Variants in PDZRN3 observed in about 807,000 individuals in gnomAD.
PDZRN3 encodes PDZ domain containing ring finger 3, also known as E3 ubiquitin-protein ligase PDZRN3.
Under a neutral mutation model 85.7 loss-of-function variants are expected in PDZRN3, and 38 were observed. The ratio of observed to expected loss-of-function variants is 0.44; its 90% CI spans 0.34 to 0.58. The LOEUF (loss-of-function observed/expected upper bound fraction) is 0.58, where lower values mean the gene tolerates loss of function less well. PDZRN3 is among the 20% of genes least tolerant of loss of function. The pLI, the probability that PDZRN3 is intolerant of heterozygous loss-of-function variation, is 0.01. For missense variants in PDZRN3, 1,629 were observed against 1,506.4 expected (o/e 1.08, Z -1.35); for synonymous variants, 759 against 638.0 (o/e 1.19, Z -2.86).
intron 3 of PDZRN3, among the ~76,000 whole-genome samples, chr3:73,506,736 T>C (rs972010129): frequency 1.3e-5 from 2 of 152,210 alleles, no homozygotes; most frequent in Non-Finnish European, 2.9e-5. Context: ...CATAAGTTAA[T>C]GGAAGGATTT....
chr3:73,475,289 T>C (rs1703426712), intron 3 of PDZRN3, among the ~76,000 whole-genome samples: 1 of 152,190 alleles, frequency 6.6e-6, no homozygotes, highest in Non-Finnish European at 1.5e-5. Flanking sequence ...TCACAGATAT[T>C]TACGGCAAAT....
intron 3 of PDZRN3, among the ~76,000 whole-genome samples, chr3:73,490,135 A>C (rs1703743237): frequency 6.6e-6 from 1 of 152,188 alleles, no homozygotes; most frequent in Non-Finnish European, 1.5e-5. Flanking sequence ...AACTAATTTT[A>C]TCTTCACGCC....
Position 73,384,816 on chromosome 3 carries a change from A to AGCTCTCGTCATTACGGGT in PDZRN3, c.1732_1749dup (p.Thr578_Ser583dup). The AGCTCTCGTCATTACGGGT allele has an allele frequency of 6.2e-7, 1 of 1,613,996 alleles. No homozygotes were observed. The highest frequency in any genetic ancestry group is 8.5e-7 in the Non-Finnish European group (1 of 1,180,024). The stretch of plus-strand genomic sequence containing the variant: ...TCGTCGCCATTGTTCTCTTGCTCCG[A>AGCTCTCGTCATTACGGGT]GCTCTCGTCATTACGGGTGCTCTCG... On this transcript the variant is annotated inframe_insertion, in exon 10 of 10. Coordinates refer to ENST00000263666, the MANE Select transcript of PDZRN3 (RefSeq NM_015009.3).
chr3:73,607,358 A>G (rs1326677925), intron 2 of PDZRN3, among the ~76,000 whole-genome samples: 1 of 152,154 alleles, frequency 6.6e-6, no homozygotes, highest in African/African-American at 2.4e-5. Flanking sequence ...CTGATCTAGC[A>G]AATTCCTGTT....
chr3:73,581,396 G>A (rs570802976), intron 3 of PDZRN3, among the ~76,000 whole-genome samples: 16 of 152,178 alleles, frequency 1.1e-4, no homozygotes, highest in South Asian at 4.2e-4. Flanking sequence ...GGGTGTGAAC[G>A]CATGATTTAG....
intron 3 of PDZRN3, among the ~76,000 whole-genome samples, chr3:73,551,345 G>C (rs1490347732): frequency 6.6e-6 from 1 of 152,184 alleles, no homozygotes; most frequent in Non-Finnish European, 1.5e-5. Context: ...TCTGTCAAAT[G>C]AAAGTAATGG....
rs992812480 is a variant in PDZRN3, at chr3:73,623,851, C to T, written c.723+252G>A. ...ACTTGCTTGTGAATTCTTTTTCGTC[C>T]TTCCAGAATCCCTGAAGCTGTACAG... On this transcript the variant is annotated intron_variant, in intron 1 of 9. Transcript: ENST00000263666. 17 of 383,052 alleles carry T rather than the reference C, an allele frequency of 4.4e-5. No individual in the cohort carries two copies. In the South Asian group the frequency reaches 1.5e-3, roughly 34 times the overall value. 23.7% of individuals were successfully genotyped at this position (383,052 alleles called of 1,614,324 possible). A position where few individuals can be genotyped will look rare whatever the true frequency, so the allele number is the denominator to read the frequency against.
intron 3 of PDZRN3, among the ~76,000 whole-genome samples, chr3:73,485,901 C>A (rs34996977): frequency 0.014 from 2,207 of 152,294 alleles, 28 homozygotes; most frequent in Non-Finnish European, 0.024. Context: ...AAAAGGCAGT[C>A]CATATAGCAT....
chr3:73,451,142 T>C (rs529077634), intron 3 of PDZRN3, among the ~76,000 whole-genome samples: 2 of 152,286 alleles, frequency 1.3e-5, no homozygotes, highest in South Asian at 4.1e-4. Context: ...CTATGCTGTG[T>C]TCCTCGGAGC....
intron 3 of PDZRN3, among the ~76,000 whole-genome samples, chr3:73,580,650 T>C (rs188145796): frequency 6.6e-6 from 1 of 152,318 alleles, no homozygotes; most frequent in Non-Finnish European, 1.5e-5. Flanking sequence ...GTTTAGTGAC[T>C]CAAGTAACAA....
chr3:73,567,940 A>G (rs909720805), intron 3 of PDZRN3, among the ~76,000 whole-genome samples: 8 of 152,248 alleles, frequency 5.3e-5, no homozygotes, highest in African/African-American at 1.9e-4. Context: ...TTACCATTTG[A>G]AAACCCAAGA....
chr3:73,547,853 A>T (rs1283603150), intron 3 of PDZRN3, among the ~76,000 whole-genome samples: 1 of 152,232 alleles, frequency 6.6e-6, no homozygotes, highest in Non-Finnish European at 1.5e-5. Context: ...GCAAGTCCCA[A>T]CTTCCTGGTT....
At chr3:73,432,670 T>C (rs191052776) in intron 3 of PDZRN3, among the ~76,000 whole-genome samples, 112 of 152,328 alleles carry the variant, frequency 7.4e-4, no homozygotes, top group African/African-American at 2.6e-3. Flanking sequence ...ATCAAATTCT[T>C]TTTTAAAAAC....
intron 3 of PDZRN3, among the ~76,000 whole-genome samples, chr3:73,576,657 G>A (rs1234401413): frequency 6.6e-6 from 1 of 152,196 alleles, no homozygotes; most frequent in African/African-American, 2.4e-5. Flanking sequence ...AGAGCCTGGT[G>A]AAATCATCCA....
Position 73,624,353 on chromosome 3 carries a change from C to T in PDZRN3, c.473G>A (p.Gly158Asp). The T allele has an allele frequency of 2.3e-6, 3 of 1,301,808 alleles. No homozygotes were observed. Among genetic ancestry groups the T allele is most frequent in the East Asian group, 3.2e-5 (1 of 31,258 alleles). The allele number at this position is 1,301,808 out of a possible 1,614,324, so 80.6% of individuals were successfully genotyped here. A position where few individuals can be genotyped will look rare whatever the true frequency, so the allele number is the denominator to read the frequency against. The change falls in exon 1 of 10, where the codon GGC (glycine) becomes GAC (aspartate). Residue 158 changes from glycine to aspartate, a missense_variant. By Grantham distance (94) the Gly-to-Asp change is moderately conservative. Transcript: ENST00000263666. The part of the protein sequence containing the change: ...LPLTHGEQRA[G>D]GHCCARALRA... ...CAGCGCTCGCGCGCAGCAGTGGCCGCCCGCGCGCTGCTCGCCGTGCGTCAA... is the reference window on the plus strand; with the variant it reads ...CAGCGCTCGCGCGCAGCAGTGGCCGTCCGCGCGCTGCTCGCCGTGCGTCAA...
intron 3 of PDZRN3, among the ~76,000 whole-genome samples, chr3:73,462,049 C>T (rs1461891039): frequency 6.6e-6 from 1 of 152,108 alleles, no homozygotes; most frequent in Non-Finnish European, 1.5e-5. Flanking sequence ...ACATTGATAC[C>T]ATATATCATT....
rs563083351 is a variant in PDZRN3, at chr3:73,478,332, C to T, written c.919-73937G>A. Among the ~76,000 whole-genome samples, 6 of 152,116 alleles carry T rather than the reference C, an allele frequency of 3.9e-5. No homozygotes were observed. In the South Asian group the frequency reaches 6.2e-4, roughly 16 times the overall value. ...GCTCTGTCTCCTGTCAGATCAGCAG[C>T]GACATTAGATTTTCATAGGAGCATG... On this transcript the variant is annotated intron_variant, in intron 3 of 9. Transcript: ENST00000263666.
intron 3 of PDZRN3, chr3:73,569,338 A>G (rs1316118099): frequency 9.1e-6 from 11 of 1,215,452 alleles, no homozygotes; most frequent in Non-Finnish European, 1.1e-5. Context: ...GAGAATAAGC[A>G]GGTTAATAAT....
At position 73,391,105 on chromosome 3, in the gene PDZRN3, G is replaced by C. The variant is rs1287898354; in HGVS notation, c.1266C>G (p.Leu422=). The change falls in exon 6 of 10, where the codon CTC becomes CTG. Residue 422 remains leucine (L), a synonymous_variant. Coordinates refer to ENST00000263666, the MANE Select transcript of PDZRN3 (RefSeq NM_015009.3). Reference sequence around the variant, plus strand: ...GCTTGTCCTGGCTGTTCATTCTGTAGAGGTCCACTTCCTAGACAAAGAAAG... The same window carrying C: ...GCTTGTCCTGGCTGTTCATTCTGTACAGGTCCACTTCCTAGACAAAGAAAG... The part of the protein sequence containing the change: ...REELELEEVD[L]YRMNSQDKLG... The C allele has an allele frequency of 6.2e-7, 1 of 1,611,736 alleles. No individual in the cohort carries two copies. The highest frequency in any genetic ancestry group is 8.5e-7 in the Non-Finnish European group (1 of 1,178,008).
Sources: gnomAD v4.1 joint callset for allele counts (sites outside exome capture counted in the v4.1 genomes callset) on GRCh38, gnomAD v4.1.1 for gene constraint, MANE v1.5 for transcripts, NCBI Gene and HGNC (gene_info 2026-07-23, HGNC 2026-07-21) for gene names.